Variants in GOLGA1 observed in about 807,000 individuals in gnomAD.
The protein encoded by GOLGA1 is golgin A1.
Under a neutral mutation model 119.7 loss-of-function variants are expected in GOLGA1, and 63 were observed. The ratio of observed to expected loss-of-function variants is 0.53; its 90% CI spans 0.43 to 0.65. The LOEUF is 0.65. Ranked by LOEUF, GOLGA1 falls within the 30% of genes least tolerant of loss-of-function variation. The pLI is 0.00. For synonymous variants in GOLGA1, 318 were observed against 333.4 expected, an observed-to-expected ratio of 0.95 and a Z score of 0.50; for missense variants, 798 against 912.8, an observed-to-expected ratio of 0.87 and a Z score of 1.62.
chr9:124,899,710 G>T (rs564267743), intron 13 of GOLGA1, among the ~76,000 whole-genome samples: 2 of 152,336 alleles, frequency 1.3e-5, no homozygotes, highest in African/African-American at 4.8e-5. Flanking sequence ...GGTGTGTGGG[G>T]ACAGCTCTGG....
Position 124,938,768 on chromosome 9 carries a change from T to G in GOLGA1, c.-57A>C. 6.7e-7 allele frequency: 1 copy of G among 1,499,420 alleles called. No homozygotes were observed. Among genetic ancestry groups the G allele is most frequent in the Non-Finnish European group, 9.0e-7 (1 of 1,106,360 alleles). The allele number at this position is 1,499,420 out of a possible 1,614,324, so 92.9% of individuals were successfully genotyped here. On this transcript the variant is annotated 5_prime_UTR_variant, in exon 3 of 23. Transcript: ENST00000373555. ...GAGCTCTCAGTAGTCCTGGTGCCTG[T>G]GTTCAGGATTCAGACAGAGGCGCCT... is the stretch of plus-strand genomic sequence containing the variant.
chr9:124,904,905 C>T (rs1479269385), intron 12 of GOLGA1, among the ~76,000 whole-genome samples: 1 of 146,794 alleles, frequency 6.8e-6, no homozygotes, highest in African/African-American at 2.5e-5. Flanking sequence ...GATTGCACCA[C>T]TGGACGCCAA....
chr9:124,895,495 A>AACCCTCCACAACAGAG (rs1333896815), intron 15 of GOLGA1, among the ~76,000 whole-genome samples: 248 of 144,312 alleles, frequency 1.7e-3, no homozygotes, highest in Admixed American at 2.6e-3. Context: ...CACAACAGAG[A>AACCCTCCACAACAGAG]ACCCTCCACA....
At chr9:124,884,346 A>G (rs1338197533) in intron 19 of GOLGA1, among the ~76,000 whole-genome samples, 1 of 152,188 alleles carries the variant, frequency 6.6e-6, no homozygotes, top group Non-Finnish European at 1.5e-5. Flanking sequence ...TCTGAATGGT[A>G]ATATATCAAA....
At chr9:124,902,486 G>T (rs1244222769) in intron 12 of GOLGA1, among the ~76,000 whole-genome samples, 1 of 148,934 alleles carries the variant, frequency 6.7e-6, no homozygotes, top group African/African-American at 2.5e-5. Flanking sequence ...GACACACAAG[G>T]AGAGGATTTT....
At chr9:124,880,689 C>T (rs192289853) in intron 22 of GOLGA1, 79 bp from the exon 23 acceptor site, 91 of 864,578 alleles carry the variant, frequency 1.1e-4, no homozygotes, top group Admixed American at 1.7e-4. Context: ...CCTCCCCTCC[C>T]GTGAGCCTGT....
intron 19 of GOLGA1, among the ~76,000 whole-genome samples, chr9:124,887,087 A>T (rs1829740311): frequency 6.6e-6 from 1 of 152,310 alleles, no homozygotes; most frequent in East Asian, 1.9e-4. Flanking sequence ...AAAGGGAGAG[A>T]GGCCAGAGGA....
chr9:124,885,346 G>A (rs966679885), intron 19 of GOLGA1, among the ~76,000 whole-genome samples: 2 of 151,474 alleles, frequency 1.3e-5, no homozygotes, highest in African/African-American at 4.9e-5. Context: ...TTAGCCAGGC[G>A]TGATCGTGGG....
At chr9:124,922,992 T>C in intron 8 of GOLGA1, 103 bp downstream of exon 8, 1 of 703,436 alleles carries the variant, frequency 1.4e-6, no homozygotes, top group South Asian at 1.7e-5. Flanking sequence ...TAATATCACA[T>C]ATTACTGGTG....
Position 124,946,649 on chromosome 9 carries a change from T to C in GOLGA1, c.-156+1269A>G, listed in dbSNP as rs1429998489. On this transcript the variant is annotated intron_variant, in intron 1 of 4. Transcript: ENST00000421514. The surrounding 1 kb of genome is among the most constrained non-coding windows in gnomAD (Gnocchi z 4.0). ...TGGCAACATTCTATAGGTTCACAAA[T>C]TGGCATTGCACGTATTTACTATCCT... 3 of 152,210 alleles carry C rather than the reference T, an allele frequency of 2.0e-5. No homozygotes were observed. Among genetic ancestry groups the C allele is most frequent in the African/African-American group, 7.2e-5 (3 of 41,450 alleles). The allele number at this position is 152,210 out of a possible 1,614,324, so 9.4% of individuals were successfully genotyped here.
intron 8 of GOLGA1, 119 bp from the exon 9 acceptor site, chr9:124,922,011 T>C (rs1183526809): frequency 2.5e-6 from 2 of 807,610 alleles, no homozygotes; most frequent in Non-Finnish European, 4.1e-6. Flanking sequence ...GTGGATCACT[T>C]GAGGTCAGGA....
intron 15 of GOLGA1, among the ~76,000 whole-genome samples, chr9:124,891,299 C>A (rs559438901): frequency 3.9e-5 from 6 of 152,354 alleles, no homozygotes; most frequent in African/African-American, 1.4e-4. Context: ...CCAGGCCACC[C>A]ATGCACGGCT....
chr9:124,947,373 A>G (rs1296181832), intron 1 of GOLGA1: 1 of 152,212 alleles, frequency 6.6e-6, no homozygotes, highest in Non-Finnish European at 1.5e-5. Context: ...AAAAATTTGC[A>G]GGTGATTTTA....
chr9:124,924,390 G>A (rs1374017930), intron 7 of GOLGA1, among the ~76,000 whole-genome samples: 3 of 152,128 alleles, frequency 2.0e-5, no homozygotes, highest in Non-Finnish European at 2.9e-5. Context: ...AGCACTTTGG[G>A]AGGCCAAGGT....
intron 15 of GOLGA1, among the ~76,000 whole-genome samples, chr9:124,895,233 C>G (rs907374207): frequency 7.3e-5 from 11 of 150,506 alleles, no homozygotes; most frequent in Admixed American, 7.3e-4. Flanking sequence ...AAGAGAGAAC[C>G]CTCCACAACA....
At chr9:124,903,018 T>G (rs924653357) in intron 12 of GOLGA1, among the ~76,000 whole-genome samples, 1 of 152,152 alleles carries the variant, frequency 6.6e-6, no homozygotes, top group Non-Finnish European at 1.5e-5. Context: ...TCAAGATAGA[T>G]TCAGATCTTC....
intron 12 of GOLGA1, among the ~76,000 whole-genome samples, chr9:124,906,440 GAA>G (rs1167296524): frequency 1.4e-5 from 2 of 145,192 alleles, no homozygotes; most frequent in East Asian, 4.2e-4. Context: ...CAAAAAAAAA[GAA>G]AGATTAAAAA....
Position 124,881,400 on chromosome 9 carries a change from G to A in GOLGA1, c.2137-143C>T. ...CGCTCTGGCACTCTGAAGTTTGGCAGCAATGATAGGTTCTTTCTTCCCCTG... is the reference window on the plus strand; with the variant it reads ...CGCTCTGGCACTCTGAAGTTTGGCAACAATGATAGGTTCTTTCTTCCCCTG... On this transcript the variant is annotated intron_variant, in intron 21 of 22. Coordinates refer to ENST00000373555, the MANE Select transcript of GOLGA1 (RefSeq NM_002077.4). The surrounding 1 kb of genome is among the most constrained non-coding windows in gnomAD (Gnocchi z 4.9). 2 of 676,108 alleles carry A rather than the reference G, an allele frequency of 3.0e-6. No individual in the cohort carries two copies. Among genetic ancestry groups the A allele is most frequent in the Admixed American group, 2.3e-5 (1 of 44,356 alleles). 41.9% of individuals were successfully genotyped at this position (676,108 alleles called of 1,614,324 possible). A position where few individuals can be genotyped will look rare whatever the true frequency, so the allele number is the denominator to read the frequency against.
intron 12 of GOLGA1, among the ~76,000 whole-genome samples, chr9:124,902,893 C>A (rs1251306206): frequency 6.6e-6 from 1 of 152,144 alleles, no homozygotes; most frequent in African/African-American, 2.4e-5. Flanking sequence ...CGGAGAAGAA[C>A]AGGATTGTTA....
Sources: gnomAD v4.1 joint callset for allele counts (sites outside exome capture counted in the v4.1 genomes callset) on GRCh38, gnomAD v4.1.1 for gene constraint, Gnocchi (gnomAD v3.1) non-coding constraint, MANE v1.5 for transcripts, NCBI Gene and HGNC (gene_info 2026-07-23, HGNC 2026-07-21) for gene names.